ZNF880: variants seen among roughly 807,000 people sequenced by gnomAD.
ZNF880 encodes the protein zinc finger protein LOC400713.
In ZNF880, 12 loss-of-function variants were observed where a neutral mutation model predicts 11.8. The observed-to-expected ratio is 1.02, with a 90% CI of 0.65 to 1.65. ZNF880 has a LOEUF of 1.65. Ranked by LOEUF, ZNF880 falls within the 40% of genes most tolerant of loss-of-function variation. The pLI, the probability that ZNF880 is intolerant of heterozygous loss-of-function variation, is 0.00. For missense variants in ZNF880, 601 were observed against 673.9 expected (o/e 0.89, Z 1.20); for synonymous variants, 210 against 232.4 (o/e 0.90, Z 0.88).
intron 3 of ZNF880, among the ~76,000 whole-genome samples, chr19:52,374,882 G>A (rs1176189100): frequency 6.6e-6 from 1 of 152,032 alleles, no homozygotes; most frequent in Non-Finnish European, 1.5e-5. Context: ...CTGTAGGCAT[G>A]TGCCATTGCA....
At chr19:52,388,282 C>CTTTTTTTTTTTTTTTTTTTT (rs68179783), downstream of ZNF880, among the ~76,000 whole-genome samples, 16 of 63,424 alleles carry the variant, frequency 2.5e-4, 5 homozygotes, top group African/African-American at 4.4e-4. Flanking sequence ...GCAATTTGAA[C>CTTTTTTTTTTTTTTTTTTTT]TTTTTTTTTT....
At chr19:52,376,188 G>A (rs1462771662) in intron 3 of ZNF880, among the ~76,000 whole-genome samples, 1 of 152,102 alleles carries the variant, frequency 6.6e-6, no homozygotes, top group Non-Finnish European at 1.5e-5. Flanking sequence ...CCCAGGAGTG[G>A]TTTTGCTGGA....
At chr19:52,393,606 T>A in the ZNF880 span, among the ~76,000 whole-genome samples, 10 of 152,146 alleles carry the variant, frequency 6.6e-5, no homozygotes, top group Admixed American at 1.3e-4. Context: ...TTTGTCTTTC[T>A]ACATAACTGC....
upstream of ZNF880, among the ~76,000 whole-genome samples, chr19:52,368,057 T>C (rs898609876): frequency 5.3e-5 from 8 of 150,606 alleles, no homozygotes; most frequent in East Asian, 2.0e-4. Flanking sequence ...AAAAAAAAAA[T>C]TAGCTGGGCC....
chr19:52,366,979 A>G (rs1178952392), upstream of ZNF880: 2 of 500,326 alleles, frequency 4.0e-6, no homozygotes, highest in Non-Finnish European at 6.9e-6. Context: ...TTATATCAGA[A>G]TAGAGCATTT....
chr19:52,369,764 G>C (rs1293034597), upstream of ZNF880, among the ~76,000 whole-genome samples: 1 of 152,068 alleles, frequency 6.6e-6, no homozygotes, highest in East Asian at 1.9e-4. Context: ...CTTTCCCTCT[G>C]CCGGGACACA....
chr19:52,392,114 AT>A, the ZNF880 span, among the ~76,000 whole-genome samples: 8 of 152,128 alleles, frequency 5.3e-5, no homozygotes, highest in Non-Finnish European at 1.0e-4. Flanking sequence ...TGCTAGAGTG[AT>A]TTACACAACT....
At chr19:52,375,402 A>T (rs190278961) in intron 3 of ZNF880, among the ~76,000 whole-genome samples, 231 of 151,088 alleles carry the variant, frequency 1.5e-3, no homozygotes, top group Admixed American at 3.7e-3. Context: ...ATGTTGACCA[A>T]GCTGGTCTCG....
chr19:52,384,319 A>G lies in ZNF880; in HGVS notation c.739A>G (p.Lys247Glu). 6.2e-7 allele frequency: 1 copy of G among 1,613,674 alleles called. No homozygotes were observed. The highest frequency in any genetic ancestry group is 1.3e-5 in the African/African-American group (1 of 75,058). ...GCCTTACAAGTGTCATGAATGTGGC[A>G]AGCTCTTCAATCGAATTTCACTCCT... is the stretch of plus-strand genomic sequence containing the variant. ...EKPYKCHECG[K>E]LFNRISLLAR... The change falls in exon 4 of 4, where the codon AAG becomes GAG. Residue 247 changes from lysine (K) to glutamate (E), a missense_variant. Physicochemically the swap from Lys to Glu is moderately conservative, Grantham distance 56 (BLOSUM62 1). Coordinates refer to ENST00000422689, the MANE Select transcript of ZNF880 (RefSeq NM_001145434.2).
chr19:52,375,757 C>CA (rs1986534759), intron 3 of ZNF880, among the ~76,000 whole-genome samples: 1 of 152,064 alleles, frequency 6.6e-6, no homozygotes, highest in Non-Finnish European at 1.5e-5. Flanking sequence ...GGTTTTCCCT[C>CA]AGGCTTTGGG....
At position 52,384,035 on chromosome 19, in the gene ZNF880, G is replaced by C. The variant is rs1210832058; in HGVS notation, c.455G>C (p.Ser152Thr). The C allele has an allele frequency of 1.9e-6, 3 of 1,556,606 alleles. No homozygotes were observed. The highest frequency in any genetic ancestry group is 4.8e-5 in the East Asian group (2 of 41,356). The change falls in exon 4 of 4, where the codon AGT becomes ACT. Residue 152 changes from serine (S) to threonine (T), a missense_variant. Coordinates refer to ENST00000422689, the MANE Select transcript of ZNF880 (RefSeq NM_001145434.2). ...LVSPLQKIYS[S>T]VKSHILNKYR... is the part of the protein sequence containing the mutation. ...TCACCACTTCAAAAAATTTATTCTA[G>C]TGTCAAATCCCACATTTTAAATAAA...
At chr19:52,388,282 C>CTTTTTTT (rs68179783), downstream of ZNF880, among the ~76,000 whole-genome samples, 266 of 63,394 alleles carry the variant, frequency 4.2e-3, 59 homozygotes, top group Middle Eastern at 0.032. Context: ...GCAATTTGAA[C>CTTTTTTT]TTTTTTTTTT....
At chr19:52,389,337 G>C (rs1193782408), downstream of ZNF880, 1 of 152,172 alleles carries the variant, frequency 6.6e-6, no homozygotes, top group African/African-American at 2.4e-5. Flanking sequence ...TTATTTCCTA[G>C]GTACAATGGA....
chr19:52,374,793 G>C, intron 3 of ZNF880: 1 of 518,170 alleles, frequency 1.9e-6, no homozygotes, highest in Non-Finnish European at 3.5e-6. Context: ...GAGTGTAGTG[G>C]TGGTGTGATC....
Position 52,374,431 on chromosome 19 carries a change from A to G in ZNF880, c.268+4A>G, listed in dbSNP as rs1239725148. On this transcript the variant is annotated splice_donor_region_variant and intron_variant, in intron 3 of 3. Transcript: ENST00000422689. ...TGCATCAAAGGTGTGAACGCAGGTA[A>G]GAGCTTGGATGGCCAGAGTGGAGGC... The G allele has an allele frequency of 6.2e-7, 1 of 1,610,274 alleles. No individual in the cohort carries two copies. The highest frequency in any genetic ancestry group is 1.1e-5 in the South Asian group (1 of 90,552).
chr19:52,383,720 A>G (rs1201706100), intron 3 of ZNF880, 129 bp from the exon 4 acceptor site: 41 of 1,018,106 alleles, frequency 4.0e-5, no homozygotes, highest in Non-Finnish European at 5.7e-5. Context: ...CACTGCCAGC[A>G]TGATACACAC....
At chr19:52,376,509 C>CTTTTT (rs869288387) in intron 3 of ZNF880, among the ~76,000 whole-genome samples, 1,368 of 58,254 alleles carry the variant, frequency 0.023, 122 homozygotes, top group African/African-American at 0.049. Flanking sequence ...CCCCCCCCCC[C>CTTTTT]TTTTTTTTTT....
rs774561301 is a variant in ZNF880, at chr19:52,384,536, G to A, written c.956G>A (p.Ser319Asn). 1 of 1,613,560 alleles carries A rather than the reference G, an allele frequency of 6.2e-7. No individual in the cohort carries two copies. Among genetic ancestry groups the A allele is most frequent in the Non-Finnish European group, 8.5e-7 (1 of 1,179,880 alleles). ...AHLARHQKIHSGEKPYKCKEC... is the reference protein window; with the variant it reads ...AHLARHQKIHNGEKPYKCKEC... ...CTTGCACGACATCAGAAAATTCATA[G>A]TGGAGAGAAACCTTACAAATGTAAG... The change falls in exon 4 of 4, where the codon AGT (serine) becomes AAT (asparagine). Residue 319 changes from serine to asparagine, a missense_variant. By Grantham distance (46) the Ser-to-Asn change is conservative (BLOSUM62 1). This residue lies in a region of ZNF880 where 420 missense variants were observed against 442.6 expected (regional missense o/e 0.95). Transcript: ENST00000422689.
upstream of ZNF880, chr19:52,367,653 TTGAG>T (rs1986176423): frequency 1.3e-5 from 2 of 152,194 alleles, no homozygotes; most frequent in African/African-American, 2.4e-5. Flanking sequence ...CACTTAGTAC[TTGAG>T]TTAGTTTCTC....
Sources: allele counts gnomAD v4.1 joint callset (sites outside exome capture counted in the v4.1 genomes callset), GRCh38; gene constraint gnomAD v4.1.1; regional missense constraint gnomAD v4.1.1; transcripts MANE v1.5; gene names NCBI Gene and HGNC (gene_info 2026-07-23, HGNC 2026-07-21).